PTPN1: variants seen among roughly 807,000 people sequenced by gnomAD.
The protein encoded by PTPN1 is protein tyrosine phosphatase non-receptor type 1.
PTPN1 carries 12 observed loss-of-function variants against 59.9 expected under a neutral mutation model. The ratio of observed to expected loss-of-function variants is 0.20; its 90% CI spans 0.13 to 0.32. The LOEUF is 0.32. Among genes scored for constraint, PTPN1 ranks in the 10% least tolerant of loss-of-function variants. The probability of loss-of-function intolerance (pLI) is 1.00; values close to 1 mark genes in which losing one functional copy is unlikely to be tolerated. For missense variants in PTPN1, 356 were observed against 549.2 expected, an observed-to-expected ratio of 0.65 and a Z score of 3.52; for synonymous variants, 178 against 203.6, an observed-to-expected ratio of 0.87 and a Z score of 1.07.
intron 1 of PTPN1, among the ~76,000 whole-genome samples, chr20:50,521,902 A>G (rs1568773987): frequency 1.3e-5 from 2 of 152,356 alleles, no homozygotes; most frequent in East Asian, 3.9e-4. Context: ...AGTTTACCAC[A>G]GTCCCACAGT....
chr20:50,536,036 G>A (rs953693534), intron 1 of PTPN1, among the ~76,000 whole-genome samples: 1 of 152,158 alleles, frequency 6.6e-6, no homozygotes, highest in Non-Finnish European at 1.5e-5. Flanking sequence ...GCAATTTAAG[G>A]TATGTTTTCC....
intron 1 of PTPN1, 26 bp from the exon 2 acceptor site, chr20:50,561,337 T>A: frequency 6.5e-7 from 1 of 1,548,234 alleles, no homozygotes; most frequent in Non-Finnish European, 8.9e-7. Context: ...TGACGGTCAG[T>A]TAAATGTCTT....
chr20:50,558,705 T>C (rs1353265350), intron 1 of PTPN1, among the ~76,000 whole-genome samples: 3 of 152,230 alleles, frequency 2.0e-5, no homozygotes, highest in Non-Finnish European at 4.4e-5. Flanking sequence ...CTCATTTTCC[T>C]CTAGTAGTTT....
chr20:50,518,129 TTC>T (rs1182877805), intron 1 of PTPN1, among the ~76,000 whole-genome samples: 1 of 152,258 alleles, frequency 6.6e-6, no homozygotes, highest in African/African-American at 2.4e-5. Context: ...TTATTGGCAC[TTC>T]TCTTCCTTTT....
intron 1 of PTPN1, among the ~76,000 whole-genome samples, chr20:50,527,851 C>T (rs747382985): frequency 1.1e-4 from 17 of 152,266 alleles, no homozygotes; most frequent in Middle Eastern, 3.4e-3. Context: ...CCTTACTCAT[C>T]GGTGTCTTCT....
At chr20:50,546,447 GGCATTGGTC>G (rs1336265480) in intron 1 of PTPN1, among the ~76,000 whole-genome samples, 9 of 152,128 alleles carry the variant, frequency 5.9e-5, no homozygotes, top group African/African-American at 1.9e-4. Flanking sequence ...AATAATTTTG[GGCATTGGTC>G]GTATTTTATT....
At chr20:50,572,091 C>T (rs1400616934) in intron 4 of PTPN1, 1 of 152,230 alleles carries the variant, frequency 6.6e-6, no homozygotes, top group African/African-American at 2.4e-5. Flanking sequence ...TTTCCAAACA[C>T]CACTTGCCCA....
chr20:50,547,696 A>G lies in PTPN1; in HGVS notation c.64-13667A>G, dbSNP rs557078449. ...TTTTTCAGTGGTAGACCACTATGTC[A>G]ATATGTTGCTTTCACTGACAACAGT... On this transcript the variant is annotated intron_variant, in intron 1 of 9. Coordinates refer to ENST00000371621, the MANE Select transcript of PTPN1 (RefSeq NM_002827.4). Among the ~76,000 whole-genome samples, 191 of 152,312 alleles carry G rather than the reference A, an allele frequency of 1.3e-3. 2 individuals carry two copies. The highest frequency in any genetic ancestry group is 6.8e-3 in the Middle Eastern group (2 of 294).
In PTPN1 at chr20:50,584,402, C is replaced by G. The variant is rs2082887075; in HGVS notation, c.*1687C>G. Reference sequence around the variant, plus strand: ...TTCAAAATGGACGTACTGGTTTAACCTCCTATCCTTGGAGAGCAGCTGGCT... The same window carrying G: ...TTCAAAATGGACGTACTGGTTTAACGTCCTATCCTTGGAGAGCAGCTGGCT... On this transcript the variant is annotated 3_prime_UTR_variant, in exon 10 of 10. Transcript: ENST00000371621. The G allele has an allele frequency of 6.6e-6, 1 of 152,590 alleles. No individual in the cohort carries two copies. Among genetic ancestry groups the G allele is most frequent in the Admixed American group, 6.5e-5 (1 of 15,274 alleles). 9.5% of individuals were successfully genotyped at this position (152,590 alleles called of 1,614,324 possible).
At chr20:50,529,042 T>C (rs922875954) in intron 1 of PTPN1, among the ~76,000 whole-genome samples, 3 of 152,206 alleles carry the variant, frequency 2.0e-5, no homozygotes, top group Non-Finnish European at 2.9e-5. Flanking sequence ...TTGCATGGAA[T>C]TGGACTTCGT....
rs2082520083 is a variant in PTPN1 at position 50,514,383 on chromosome 20, T to A, written c.63+3793T>A. On this transcript the variant is annotated intron_variant, in intron 1 of 9. Transcript: ENST00000371621. The stretch of plus-strand genomic sequence containing the variant: ...CAGTGGAAATGAATAAGAAATTTCC[T>A]GTGGAGGTTTTTTGACTTAGCTACT... Among the ~76,000 whole-genome samples, 3 of 152,334 alleles carry A rather than the reference T, an allele frequency of 2.0e-5. No homozygotes were observed. The South Asian group carries it at 6.2e-4, about 32-fold the overall frequency.
rs189352124 is a variant in PTPN1 at position 50,545,378 on chromosome 20, T to C, written c.64-15985T>C. Among the ~76,000 whole-genome samples, 545 of 152,318 alleles carry C rather than the reference T, an allele frequency of 3.6e-3. 8 individuals are homozygous for C. Among genetic ancestry groups the C allele is most frequent in the Admixed American group, 0.031 (475 of 15,300 alleles). ...ATGGGTTGTGTTTCTTGTAACGTCA[T>C]GACAAGGCATAACCCATCTTGGCAT... On this transcript the variant is annotated intron_variant, in intron 1 of 9. Coordinates refer to ENST00000371621, the MANE Select transcript of PTPN1 (RefSeq NM_002827.4).
At chr20:50,539,023 A>G (rs2082636432) in intron 1 of PTPN1, among the ~76,000 whole-genome samples, 2 of 130,564 alleles carry the variant, frequency 1.5e-5, no homozygotes, top group South Asian at 2.4e-4. Context: ...GTTCTTCTCA[A>G]TTCTTTTTTT....
At chr20:50,569,306 G>A (rs1192414998) in intron 4 of PTPN1, among the ~76,000 whole-genome samples, 1 of 152,172 alleles carries the variant, frequency 6.6e-6, no homozygotes, top group African/African-American at 2.4e-5. Context: ...TGGAACTTTA[G>A]CCAGGACAAA....
rs764034146 is a variant in PTPN1 at position 50,579,888 on chromosome 20, A to C, written c.1050A>C (p.Lys350Asn). The stretch of plus-strand genomic sequence containing the variant: ...AAGACTGCCCCATCAAGGAAGAAAA[A>C]GGAAGCCCCTTAAATGCCGCACCCT... ...EDKDCPIKEE[K>N]GSPLNAAPYG... Residue 350 changes from lysine to asparagine, a missense_variant, in exon 8 of 10, where the codon AAA (lysine) becomes AAC (asparagine). Around this residue, in one of 3 missense-constraint regions of PTPN1, gnomAD observed 100 missense variants for 107.7 expected, o/e 0.93. Transcript: ENST00000371621. 1.2e-6 allele frequency: 2 copies of C among 1,614,132 alleles called. No homozygotes were observed. Among genetic ancestry groups the C allele is most frequent in the Non-Finnish European group, 1.7e-6 (2 of 1,180,030 alleles).
chr20:50,559,030 ATTT>A (rs35277786), intron 1 of PTPN1, among the ~76,000 whole-genome samples: 3 of 119,450 alleles, frequency 2.5e-5, no homozygotes, highest in Admixed American at 9.0e-5. Flanking sequence ...ACGTCAGGGA[ATTT>A]TTTTTTTTTT....
At chr20:50,526,132 A>G (rs571466703) in intron 1 of PTPN1, among the ~76,000 whole-genome samples, 25 of 152,188 alleles carry the variant, frequency 1.6e-4, no homozygotes, top group Non-Finnish European at 2.8e-4. Flanking sequence ...CACTGTATGT[A>G]TTTGTATGCA....
intron 1 of PTPN1, among the ~76,000 whole-genome samples, chr20:50,519,609 G>A (rs2082542504): frequency 6.6e-6 from 1 of 152,182 alleles, no homozygotes; most frequent in African/African-American, 2.4e-5. Context: ...TCAGTTTGAG[G>A]AGGTAGTTAC....
intron 3 of PTPN1, among the ~76,000 whole-genome samples, chr20:50,565,839 T>G (rs2082776648): frequency 6.6e-6 from 1 of 152,254 alleles, no homozygotes; most frequent in African/African-American, 2.4e-5. Context: ...AGGGCGATTT[T>G]GAACATTTGT....
Sources: allele counts gnomAD v4.1 joint callset (sites outside exome capture counted in the v4.1 genomes callset), GRCh38; gene constraint gnomAD v4.1.1; regional missense constraint gnomAD v4.1.1; transcripts MANE v1.5; gene names NCBI Gene and HGNC (gene_info 2026-07-23, HGNC 2026-07-21).